CAMK2A: variants seen among roughly 807,000 people sequenced by gnomAD.
CAMK2A encodes the protein calcium/calmodulin-dependent protein kinase type II subunit alpha.
A neutral mutation model predicts 79.2 loss-of-function variants in CAMK2A; 7 were observed. The ratio of observed to expected loss-of-function variants is 0.09; its 90% CI spans 0.05 to 0.17. CAMK2A has a LOEUF of 0.17. CAMK2A is among the 10% of genes least tolerant of loss of function. The pLI is 1.00. For synonymous variants in CAMK2A, 242 were observed against 251.7 expected, an observed-to-expected ratio of 0.96 and a Z score of 0.36; for missense variants, 214 against 646.4, an observed-to-expected ratio of 0.33 and a Z score of 7.25.
At position 150,223,005 on chromosome 5, in the gene CAMK2A, G is replaced by T; in HGVS notation, c.1450C>A (p.Pro484Thr). ...GATTCTTACTGGGGCAGGACGGAGG[G>T]CGCCCCAGATCTGTGGAAGTGGACG... ...QIVHFHRSGA[P>T]SVLPH is the part of the protein sequence containing the mutation. Residue 484 changes from proline (P) to threonine (T), a missense_variant, in exon 18 of 19, where the codon CCC becomes ACC. Physicochemically the swap from Pro to Thr is conservative, Grantham distance 38. Transcript: ENST00000671881. This position sits in a 1 kb window ranked among gnomAD's most constrained non-coding sequence, Gnocchi z 4.1. 6.2e-7 allele frequency: 1 copy of T among 1,613,950 alleles called. No individual in the cohort carries two copies. The highest frequency in any genetic ancestry group is 8.5e-7 in the Non-Finnish European group (1 of 1,179,810).
At chr5:150,251,077 C>T (rs973599039) in intron 9 of CAMK2A, among the ~76,000 whole-genome samples, 2 of 152,236 alleles carry the variant, frequency 1.3e-5, no homozygotes, top group Admixed American at 6.5e-5. Flanking sequence ...TGGCTTTAGC[C>T]CAGACTTCAG....
At chr5:150,265,400 G>A (rs911356664) in intron 2 of CAMK2A, 3 of 187,146 alleles carry the variant, frequency 1.6e-5, no homozygotes, top group South Asian at 1.2e-4. Context: ...TTGCACATGC[G>A]GTTCTCTCAG....
rs1580947896 is a variant in CAMK2A, at chr5:150,273,592, T to TCC, written c.63-435_63-434dup. Among the ~76,000 whole-genome samples, 3 of 152,102 alleles carry TCC rather than the reference T, an allele frequency of 2.0e-5. No individual in the cohort carries two copies. The East Asian group carries it at 5.8e-4, about 29-fold the overall frequency. ...CGCCCCTGTACTGCAGCCCCTGAGG[T>TCC]CCCCTTCCCAGAGATTACCACTGTT... is the stretch of plus-strand genomic sequence containing the variant. On this transcript the variant is annotated intron_variant, in intron 1 of 18. Coordinates refer to ENST00000671881, the MANE Select transcript of CAMK2A (RefSeq NM_015981.4).
chr5:150,236,581 A>G (rs1235615775), intron 15 of CAMK2A, among the ~76,000 whole-genome samples: 2 of 152,206 alleles, frequency 1.3e-5, no homozygotes, highest in Non-Finnish European at 2.9e-5. Flanking sequence ...ACTCCAGTGG[A>G]GAAGACAGAG....
At chr5:150,231,251 A>G in intron 16 of CAMK2A, 54 bp downstream of exon 16, 1 of 1,024,284 alleles carries the variant, frequency 9.8e-7, no homozygotes, top group East Asian at 2.5e-5. Context: ...AGCCATTGGT[A>G]CCCCCTGAAC....
Position 150,222,534 on chromosome 5 carries a change from G to A in CAMK2A, c.*176C>T. 1.3e-6 allele frequency: 1 copy of A among 746,532 alleles called. No homozygotes were observed. The highest frequency in any genetic ancestry group is 2.4e-6 in the Non-Finnish European group (1 of 422,470). The allele number at this position is 746,532 out of a possible 1,614,324, so 46.2% of individuals were successfully genotyped here. ...GGGAGATGTGGCCGTTCGCTCTGAAGTTGCGATGACTTTTGTGAACAAGCA... is the reference window on the plus strand; with the variant it reads ...GGGAGATGTGGCCGTTCGCTCTGAAATTGCGATGACTTTTGTGAACAAGCA... On this transcript the variant is annotated 3_prime_UTR_variant, in exon 19 of 19. Transcript: ENST00000671881.
Position 150,221,793 on chromosome 5 carries a change from C to G in CAMK2A, c.*917G>C. ...TAGAACAGAAAAAAACTACCCCTCACCCCTCTTCCTACACCCCTTCCAACC... is the reference window on the plus strand; with the variant it reads ...TAGAACAGAAAAAAACTACCCCTCAGCCCTCTTCCTACACCCCTTCCAACC... On this transcript the variant is annotated 3_prime_UTR_variant, in exon 19 of 19. Coordinates refer to ENST00000671881, the MANE Select transcript of CAMK2A (RefSeq NM_015981.4). 1 of 394,756 alleles carries G rather than the reference C, an allele frequency of 2.5e-6. No homozygotes were observed. The highest frequency in any genetic ancestry group is 4.5e-6 in the Non-Finnish European group (1 of 224,344). 24.5% of individuals were successfully genotyped at this position (394,756 alleles called of 1,614,324 possible).
At chr5:150,245,344 T>A in intron 12 of CAMK2A, 143 bp from the exon 13 acceptor site, 4 of 532,982 alleles carry the variant, frequency 7.5e-6, no homozygotes, top group South Asian at 4.5e-5. Flanking sequence ...GGAGGCCTCC[T>A]CCTCCTCCTC....
chr5:150,238,290 A>C (rs1755173961), intron 15 of CAMK2A: 1 of 186,300 alleles, frequency 5.4e-6, no homozygotes, highest in South Asian at 9.1e-5. Context: ...ATCTCTACTA[A>C]AAATACAAAA....
intron 3 of CAMK2A, among the ~76,000 whole-genome samples, chr5:150,260,013 T>G (rs1327319756): frequency 6.6e-6 from 1 of 151,998 alleles, no homozygotes; most frequent in Admixed American, 6.6e-5. Flanking sequence ...AAACATACAG[T>G]TAAGTGAACA....
intron 1 of CAMK2A, among the ~76,000 whole-genome samples, chr5:150,282,136 C>T (rs895209427): frequency 1.3e-5 from 2 of 152,148 alleles, no homozygotes; most frequent in Non-Finnish European, 2.9e-5. Flanking sequence ...TCTCGACCGC[C>T]TGAGGCTGCA....
intron 10 of CAMK2A, among the ~76,000 whole-genome samples, 155 bp downstream of exon 10, chr5:150,250,533 G>A (rs761399405): frequency 4.6e-5 from 7 of 152,304 alleles, no homozygotes; most frequent in South Asian, 2.1e-4. Context: ...CTCACTCCTC[G>A]TTTCCACATT....
chr5:150,231,255 C>T (rs1286750597), intron 16 of CAMK2A, 50 bp downstream of exon 16: 1 of 1,128,218 alleles, frequency 8.9e-7, no homozygotes. Flanking sequence ...ATTGGTACCC[C>T]CTGAACAACA....
intron 11 of CAMK2A, among the ~76,000 whole-genome samples, chr5:150,249,221 C>T (rs1223864792): frequency 6.6e-6 from 1 of 152,260 alleles, no homozygotes; most frequent in Admixed American, 6.5e-5. Context: ...TGGCCAGGGG[C>T]CCCTCAGTGC....
At chr5:150,272,988 G>T in intron 2 of CAMK2A, 77 bp downstream of exon 2, 1 of 1,155,558 alleles carries the variant, frequency 8.7e-7, no homozygotes. Context: ...CCTGGATCCT[G>T]GTCTAAACCA....
Position 150,221,153 on chromosome 5 carries a change from GT to G in CAMK2A, c.*1556del, listed in dbSNP as rs766939686. 2.4e-4 allele frequency: 74 copies of G among 306,862 alleles called. No individual in the cohort carries two copies. Among genetic ancestry groups the G allele is most frequent in the Non-Finnish European group, 3.6e-4 (61 of 169,080 alleles). The allele number at this position is 306,862 out of a possible 1,614,324, so 19.0% of individuals were successfully genotyped here. On this transcript the variant is annotated 3_prime_UTR_variant, in exon 19 of 19. Transcript: ENST00000671881. Reference sequence around the variant, plus strand: ...TTTTTAGTCCAAAACATGTAGATTGGTTTTGTTGAGTGTTTTCTTCTTTTTG... The same window carrying G: ...TTTTTAGTCCAAAACATGTAGATTGGTTTGTTGAGTGTTTTCTTCTTTTTG...
chr5:150,245,249 A>G, intron 12 of CAMK2A, 48 bp from the exon 13 acceptor site: 1 of 1,577,530 alleles, frequency 6.3e-7, no homozygotes, highest in Non-Finnish European at 8.7e-7. Flanking sequence ...GCAGGGCACC[A>G]GGGCCCACAG....
rs748592274 is a variant in CAMK2A, at chr5:150,252,013, C to T, written c.567G>A (p.Pro189=). The T allele has an allele frequency of 1.1e-5, 17 of 1,613,816 alleles. No homozygotes were observed. Among genetic ancestry groups the T allele is most frequent in the South Asian group, 5.5e-5 (5 of 91,074 alleles). The stretch of plus-strand genomic sequence containing the variant: ...CCCACAGGTCCACAGGCTTCCCGTA[C>T]GGGTCCTTCCGCAGCACTTCTGGGG... ...YLSPEVLRKD[P]YGKPVDLWAC... is the part of the protein sequence containing the mutation. The change falls in exon 8 of 19, where the codon CCG becomes CCA. Residue 189 remains proline (P), a synonymous_variant. Coordinates refer to ENST00000671881, the MANE Select transcript of CAMK2A (RefSeq NM_015981.4).
chr5:150,228,161 A>G (rs770091073), intron 17 of CAMK2A, 31 bp downstream of exon 17: 4 of 1,559,746 alleles, frequency 2.6e-6, no homozygotes, highest in Non-Finnish European at 3.5e-6. Context: ...AGAGCAGACA[A>G]CAGGCACCAC....
Sources: gnomAD v4.1 joint callset for allele counts (sites outside exome capture counted in the v4.1 genomes callset) on GRCh38, gnomAD v4.1.1 for gene constraint, Gnocchi (gnomAD v3.1) non-coding constraint, MANE v1.5 for transcripts, NCBI Gene and HGNC (gene_info 2026-07-23, HGNC 2026-07-21) for gene names.